The following STK4 variants were observed in gnomAD, a reference collection of about 807,000 sequenced individuals.
The protein encoded by STK4 is serine/threonine kinase 4.
STK4 carries 30 observed loss-of-function variants against 64.9 expected under a neutral mutation model. That is an observed-to-expected ratio of 0.46 (90% CI 0.35 to 0.63). The LOEUF is 0.63. Among genes scored for constraint, STK4 ranks in the 20% least tolerant of loss-of-function variants. The pLI is 0.01. For synonymous variants in STK4, 177 were observed against 199.0 expected, an observed-to-expected ratio of 0.89 and a Z score of 0.93; for missense variants, 466 against 598.5, an observed-to-expected ratio of 0.78 and a Z score of 2.31.
chr20:45,069,265 C>A (rs950447634), intron 10 of STK4, among the ~76,000 whole-genome samples: 5 of 152,186 alleles, frequency 3.3e-5, no homozygotes, highest in East Asian at 3.8e-4. Context: ...CCACTGTGAT[C>A]TCTCCCAGAA....
In STK4 at chr20:44,987,168, A is replaced by G. The variant is rs781137671; in HGVS notation, c.397A>G (p.Thr133Ala). Residue 133 changes from threonine (T) to alanine (A), a missense_variant, in exon 5 of 11, where the codon ACT becomes GCT. Thr to Ala is a moderately conservative substitution (Grantham distance 58). Coordinates refer to ENST00000372806, the MANE Select transcript of STK4 (RefSeq NM_006282.5). ...EDEIATILQSTLKGLEYLHFM... is the reference protein window; with the variant it reads ...EDEIATILQSALKGLEYLHFM... ...TGAAATAGCTACAATATTACAATCA[A>G]CTCTTAAGGGACTTGAATACCTTCA... The G allele has an allele frequency of 5.6e-6, 9 of 1,604,918 alleles. No individual in the cohort carries two copies. In the African/African-American group the frequency reaches 1.1e-4, roughly 19 times the overall value.
chr20:44,978,685 C>A, intron 3 of STK4, 114 bp downstream of exon 3: 1 of 1,182,020 alleles, frequency 8.5e-7, no homozygotes, highest in Non-Finnish European at 1.1e-6. Context: ...AGGGAGAATT[C>A]GATGGAATCA....
intron 10 of STK4, among the ~76,000 whole-genome samples, chr20:45,032,037 A>G (rs984321477): frequency 3.3e-5 from 5 of 152,188 alleles, no homozygotes; most frequent in Admixed American, 1.3e-4. Flanking sequence ...TATATGAAAC[A>G]TACATATTTA....
chr20:44,987,370 T>A, intron 5 of STK4, 74 bp downstream of exon 5: 1 of 1,397,930 alleles, frequency 7.2e-7, no homozygotes, highest in Non-Finnish European at 9.7e-7. Context: ...TTTACCTATT[T>A]TTAAAATATA....
chr20:44,992,918 A>G (rs189243328), intron 5 of STK4, among the ~76,000 whole-genome samples: 7 of 151,274 alleles, frequency 4.6e-5, no homozygotes, highest in Admixed American at 2.0e-4. Context: ...CTGGTTTCGA[A>G]CTCCTGAGCT....
chr20:45,023,677 C>A (rs1443094129), intron 9 of STK4, among the ~76,000 whole-genome samples: 1 of 152,048 alleles, frequency 6.6e-6, no homozygotes, highest in East Asian at 1.9e-4. Context: ...TAAAATTATT[C>A]TTTCTGCTCT....
intron 10 of STK4, among the ~76,000 whole-genome samples, chr20:45,027,379 G>T (rs1389221459): frequency 6.9e-6 from 1 of 143,992 alleles, no homozygotes; most frequent in Admixed American, 7.1e-5. Context: ...GTGGTGAGCC[G>T]AGATCATGCC....
intron 10 of STK4, among the ~76,000 whole-genome samples, chr20:45,033,227 G>A (rs1488739696): frequency 2.0e-5 from 3 of 152,130 alleles, no homozygotes; most frequent in Admixed American, 2.0e-4. Context: ...TAGGTTGTCT[G>A]TTCACTCTGT....
At chr20:45,061,289 T>A (rs1329072932) in intron 10 of STK4, among the ~76,000 whole-genome samples, 2 of 152,224 alleles carry the variant, frequency 1.3e-5, no homozygotes, top group African/African-American at 2.4e-5. Flanking sequence ...TTACGGTAGC[T>A]CCCAAACCTT....
At chr20:45,015,170 C>A (rs2145356454) in intron 9 of STK4, among the ~76,000 whole-genome samples, 1 of 152,300 alleles carries the variant, frequency 6.6e-6, no homozygotes, top group Non-Finnish European at 1.5e-5. Flanking sequence ...TGAGTTTCCT[C>A]ATGTTGAAAT....
rs749256812 is a variant in STK4, at chr20:45,000,515, A to G, written c.955A>G (p.Asn319Asp). The G allele has an allele frequency of 7.1e-5, 114 of 1,613,872 alleles. No individual in the cohort carries two copies. The highest frequency in any genetic ancestry group is 9.6e-5 in the Non-Finnish European group (113 of 1,179,924). ...GGAAGTGGACCAGGACGATGAAGAA[A>G]ACTCAGTGAGTGGCAGCCGTTGCTG... Reference protein sequence around the residue: ...QREVDQDDEENSEEDEMDSGT... With the variant: ...QREVDQDDEEDSEEDEMDSGT... Residue 319 changes from asparagine to aspartate, a missense_variant, in exon 8 of 11, where the codon AAC (asparagine) becomes GAC (aspartate). Physicochemically the swap from Asn to Asp is conservative, Grantham distance 23. This residue lies in a region of STK4 where 276 missense variants were observed against 308.9 expected (regional missense o/e 0.89). Transcript: ENST00000372806.
At chr20:44,997,042 G>T in intron 6 of STK4, 127 bp from the exon 7 acceptor site, 1 of 1,342,346 alleles carries the variant, frequency 7.4e-7, no homozygotes, top group South Asian at 1.4e-5. Context: ...TGGAATTTGG[G>T]TGAGCTTCTC....
intron 4 of STK4, among the ~76,000 whole-genome samples, chr20:44,986,711 T>A (rs2067536480): frequency 6.6e-6 from 1 of 152,184 alleles, no homozygotes; most frequent in Non-Finnish European, 1.5e-5. Context: ...TATTTGGATA[T>A]ACAGTGTTTT....
At chr20:44,995,605 CAAAAAAAAA>C (rs60140206) in intron 6 of STK4, among the ~76,000 whole-genome samples, 12 of 54,550 alleles carry the variant, frequency 2.2e-4, no homozygotes, top group African/African-American at 2.0e-4. Context: ...GACTCCATCT[CAAAAAAAAA>C]AAAAAAAAAA....
intron 10 of STK4, among the ~76,000 whole-genome samples, chr20:45,036,011 TA>T (rs1286857186): frequency 6.6e-6 from 1 of 152,162 alleles, no homozygotes; most frequent in African/African-American, 2.4e-5. Context: ...ATAGGAAGAA[TA>T]AGTTCAAGAG....
At chr20:45,004,593 A>G (rs1280227923) in intron 9 of STK4, 2 of 151,484 alleles carry the variant, frequency 1.3e-5, no homozygotes, top group Non-Finnish European at 2.9e-5. Flanking sequence ...TCAGACGGGT[A>G]GATTGCAAAA....
chr20:44,986,420 T>C (rs2067530845), intron 4 of STK4, among the ~76,000 whole-genome samples: 2 of 152,150 alleles, frequency 1.3e-5, no homozygotes, highest in Admixed American at 1.3e-4. Flanking sequence ...CAAGCCCTTG[T>C]TGAAACAGAT....
intron 10 of STK4, among the ~76,000 whole-genome samples, chr20:45,031,507 A>T (rs1315844397): frequency 6.6e-6 from 1 of 152,228 alleles, no homozygotes; most frequent in Admixed American, 6.5e-5. Flanking sequence ...TTTATAAGAG[A>T]TGTAACGGAA....
At chr20:44,987,423 C>T (rs1046012204) in intron 5 of STK4, 127 bp downstream of exon 5, 2 of 915,534 alleles carry the variant, frequency 2.2e-6, no homozygotes, top group Non-Finnish European at 3.2e-6. Context: ...CAGAATCTGC[C>T]AATAGGTTAC....
Sources: gnomAD v4.1 joint callset for allele counts (sites outside exome capture counted in the v4.1 genomes callset) on GRCh38, gnomAD v4.1.1 for gene constraint, gnomAD v4.1.1 regional missense constraint, MANE v1.5 for transcripts, NCBI Gene and HGNC (gene_info 2026-07-23, HGNC 2026-07-21) for gene names.